Variants in STPG2 observed in about 807,000 individuals in gnomAD.
STPG2 encodes the protein sperm-tail PG-rich repeat-containing protein 2.
In STPG2, 56 loss-of-function variants were observed where a neutral mutation model predicts 54.2. That is an observed-to-expected ratio of 1.03 (90% CI 0.83 to 1.29). STPG2 has a LOEUF of 1.29. STPG2 is among the 50% of genes most tolerant of loss of function. STPG2 has a pLI of 0.00. For synonymous variants in STPG2, 200 were observed against 181.8 expected (o/e 1.10, Z -0.81); for missense variants, 596 against 544.9 (o/e 1.09, Z -0.93).
intron 8 of STPG2, among the ~76,000 whole-genome samples, chr4:97,921,971 T>C (rs553954903): frequency 2.5e-4 from 38 of 152,230 alleles, no homozygotes; most frequent in Non-Finnish European, 3.7e-4. Context: ...TGTAAGGAAA[T>C]TGAACTCTTA....
intron 9 of STPG2, among the ~76,000 whole-genome samples, chr4:97,734,703 T>A (rs1050907563): frequency 6.6e-6 from 1 of 152,106 alleles, no homozygotes; most frequent in Admixed American, 6.5e-5. Flanking sequence ...GCCTTGGCAA[T>A]GATTTTTTTG....
At chr4:97,649,603 G>A (rs991467050) in intron 10 of STPG2, among the ~76,000 whole-genome samples, 1 of 152,122 alleles carries the variant, frequency 6.6e-6, no homozygotes, top group Middle Eastern at 3.2e-3. Flanking sequence ...AATGGGGAGT[G>A]AAGAAGCTTA....
intron 5 of STPG2, among the ~76,000 whole-genome samples, chr4:98,103,468 C>G (rs925951789): frequency 1.3e-5 from 2 of 151,610 alleles, no homozygotes; most frequent in African/African-American, 4.9e-5. Context: ...ATAGAGAAAC[C>G]CTGTCTCTAC....
chr4:97,683,698 G>A (rs1723102809), intron 10 of STPG2, among the ~76,000 whole-genome samples: 1 of 151,702 alleles, frequency 6.6e-6, no homozygotes, highest in African/African-American at 2.4e-5. Context: ...TTTCTCGTAA[G>A]ATCAGGAACA....
chr4:97,903,772 C>T (rs897558055), intron 8 of STPG2, among the ~76,000 whole-genome samples: 5 of 152,352 alleles, frequency 3.3e-5, no homozygotes, highest in Non-Finnish European at 5.9e-5. Context: ...CAGGGCGAGA[C>T]ATTGCCTCAC....
intron 5 of STPG2, among the ~76,000 whole-genome samples, chr4:98,086,181 T>C (rs1308354899): frequency 2.0e-5 from 3 of 152,122 alleles, no homozygotes; most frequent in African/African-American, 7.2e-5. Flanking sequence ...CTATAATATA[T>C]ACTAAAGTAT....
At chr4:98,044,164 C>T (rs1348033038) in intron 5 of STPG2, among the ~76,000 whole-genome samples, 1 of 151,972 alleles carries the variant, frequency 6.6e-6, no homozygotes, top group Non-Finnish European at 1.5e-5. Context: ...ATTTAGTTAC[C>T]ATTGTCTTTA....
At chr4:97,547,969 G>A (rs1025156612) in intron 4 of STPG2, among the ~76,000 whole-genome samples, 3 of 151,882 alleles carry the variant, frequency 2.0e-5, no homozygotes, top group Non-Finnish European at 4.4e-5. Flanking sequence ...TGACCAACGT[G>A]GAGAAACCCT....
chr4:97,972,632 T>A (rs1734373137), intron 6 of STPG2, among the ~76,000 whole-genome samples, 192 bp from the exon 7 acceptor site: 1 of 152,202 alleles, frequency 6.6e-6, no homozygotes, highest in African/African-American at 2.4e-5. Context: ...TACTTGCTGA[T>A]ATGGTTTTGC....
intron 8 of STPG2, among the ~76,000 whole-genome samples, chr4:97,920,169 C>T (rs1344242001): frequency 6.6e-6 from 1 of 152,186 alleles, no homozygotes; most frequent in Non-Finnish European, 1.5e-5. Context: ...TTAAAACAGG[C>T]TTTGTATCAG....
chr4:97,601,588 T>C (rs1733463486), intron 10 of STPG2, among the ~76,000 whole-genome samples: 1 of 152,096 alleles, frequency 6.6e-6, no homozygotes, highest in Middle Eastern at 3.4e-3. Context: ...TTAATCCATC[T>C]TGAGCTGATT....
chr4:97,740,377 A>C (rs891889648), intron 9 of STPG2, among the ~76,000 whole-genome samples: 2 of 152,080 alleles, frequency 1.3e-5, no homozygotes, highest in Admixed American at 6.6e-5. Context: ...ATTAGGCAGG[A>C]GAAGAAATAA....
At chr4:97,781,869 A>G (rs1726637324) in intron 9 of STPG2, among the ~76,000 whole-genome samples, 1 of 152,222 alleles carries the variant, frequency 6.6e-6, no homozygotes, top group South Asian at 2.1e-4. Flanking sequence ...GAGGCCTTTG[A>G]CAAAATTCAA....
intron 4 of STPG2, among the ~76,000 whole-genome samples, chr4:97,512,461 G>A (rs1014473430): frequency 4.6e-5 from 7 of 152,054 alleles, no homozygotes; most frequent in Admixed American, 4.6e-4. Flanking sequence ...GAAGCACTTG[G>A]GAAAGATGTG....
chr4:97,657,635 A>G (rs1249375373), intron 10 of STPG2, among the ~76,000 whole-genome samples: 1 of 151,862 alleles, frequency 6.6e-6, no homozygotes, highest in African/African-American at 2.4e-5. Context: ...ACCGATATCT[A>G]CTCCTCAACT....
chr4:97,694,812 CAAAAAAAAAAAAAAAAAAAAAA>C lies in STPG2; in HGVS notation c.1320+17865_1320+17886del, dbSNP rs70953083. 5.5e-4 allele frequency among the ~76,000 whole-genome samples: 24 copies of C among 44,034 alleles called. 1 individual carries two copies. Among genetic ancestry groups the C allele is most frequent in the South Asian group, 1.4e-3 (1 of 704 alleles). The allele number at this position is 44,034 out of a possible 152,430, so 28.9% of individuals were successfully genotyped here. A position where few individuals can be genotyped will look rare whatever the true frequency, so the allele number is the denominator to read the frequency against. ...TGGGTTACAGAGCAAGACTCTGTCA[CAAAAAAAAAAAAAAAAAAAAAA>C]AAAAAAAAAAAAAAAAATTAGCAAC... On this transcript the variant is annotated intron_variant, in intron 10 of 10. Coordinates refer to ENST00000295268, the MANE Select transcript of STPG2 (RefSeq NM_174952.3).
At chr4:97,575,498 C>A (rs1464884997) in intron 10 of STPG2, among the ~76,000 whole-genome samples, 1 of 151,786 alleles carries the variant, frequency 6.6e-6, no homozygotes, top group African/African-American at 2.4e-5. Context: ...ATTCACCACA[C>A]AAACAAAATT....
chr4:97,892,140 T>C (rs1384249270), intron 8 of STPG2, among the ~76,000 whole-genome samples: 3 of 152,154 alleles, frequency 2.0e-5, no homozygotes, highest in Non-Finnish European at 2.9e-5. Context: ...TATAGAGATA[T>C]AATCATGGGT....
chr4:97,977,023 G>A (rs147061832), intron 6 of STPG2, among the ~76,000 whole-genome samples: 152 of 152,246 alleles, frequency 1.0e-3, no homozygotes, highest in Middle Eastern at 3.4e-3. Flanking sequence ...TATGCAACCT[G>A]AATCACATGA....
Sources: gnomAD v4.1 joint callset for allele counts (sites outside exome capture counted in the v4.1 genomes callset) on GRCh38, gnomAD v4.1.1 for gene constraint, MANE v1.5 for transcripts, NCBI Gene and HGNC (gene_info 2026-07-23, HGNC 2026-07-21) for gene names.